Variants in MAP4K3 observed in about 807,000 individuals in gnomAD.
MAP4K3 encodes mitogen-activated protein kinase kinase kinase kinase 3.
MAP4K3 carries 94 observed loss-of-function variants against 143.5 expected under a neutral mutation model. The ratio of observed to expected loss-of-function variants is 0.65; its 90% CI spans 0.55 to 0.78. The LOEUF is 0.78. MAP4K3 is among the 30% of genes least tolerant of loss of function. MAP4K3 has a pLI of 0.00. For missense variants in MAP4K3, 1,077 were observed against 1,068.1 expected, an observed-to-expected ratio of 1.01 and a Z score of -0.12; for synonymous variants, 416 against 347.2, an observed-to-expected ratio of 1.20 and a Z score of -2.20.
chr2:39,405,438 C>A (rs942870011), intron 1 of MAP4K3, among the ~76,000 whole-genome samples: 5 of 152,094 alleles, frequency 3.3e-5, no homozygotes, highest in African/African-American at 1.2e-4. Context: ...GCAAGGCCTT[C>A]CCAAGAAAGA....
At chr2:39,422,430 C>T (rs1216599830) in intron 1 of MAP4K3, among the ~76,000 whole-genome samples, 1 of 152,122 alleles carries the variant, frequency 6.6e-6, no homozygotes, top group African/African-American at 2.4e-5. Flanking sequence ...CAGGAGAAAA[C>T]AGCCAACTAT....
At chr2:39,306,024 T>C (rs1234207952) in intron 15 of MAP4K3, among the ~76,000 whole-genome samples, 1 of 152,088 alleles carries the variant, frequency 6.6e-6, no homozygotes, top group Non-Finnish European at 1.5e-5. Context: ...GAGACAGGGT[T>C]TCACCATGTT....
At chr2:39,271,629 T>G (rs1392289726) in intron 26 of MAP4K3, among the ~76,000 whole-genome samples, 16 of 152,218 alleles carry the variant, frequency 1.1e-4, no homozygotes, top group Non-Finnish European at 2.9e-5. Context: ...TCTTGCCTTG[T>G]TAGCCAGGCT....
At chr2:39,365,117 TAC>T (rs1665884289) in intron 2 of MAP4K3, among the ~76,000 whole-genome samples, 1 of 152,132 alleles carries the variant, frequency 6.6e-6, no homozygotes, top group South Asian at 2.1e-4. Context: ...TGGGATAAAA[TAC>T]TTCTATTTCT....
chr2:39,319,326 C>T (rs1683223593), intron 12 of MAP4K3, among the ~76,000 whole-genome samples: 1 of 151,834 alleles, frequency 6.6e-6, no homozygotes, highest in East Asian at 1.9e-4. Context: ...AAACTAAAAC[C>T]TTATTGTTTC....
intron 19 of MAP4K3, among the ~76,000 whole-genome samples, chr2:39,289,086 T>C (rs977973176): frequency 6.6e-6 from 1 of 152,094 alleles, no homozygotes; most frequent in Non-Finnish European, 1.5e-5. Flanking sequence ...AAAAACGTTA[T>C]CATGTTGGAG....
chr2:39,288,239 C>T lies in MAP4K3; in HGVS notation c.1356G>A (p.Glu452=), dbSNP rs752570814. ...TCTTGATTGTTCCTTGATTTTCATC[C>T]TCAGTAGAATGCATTTCCTGTGGTA... is the stretch of plus-strand genomic sequence containing the variant. ...IFIPQEMHST[E]DENQGTIKRC... Residue 452 remains glutamate (E), a synonymous_variant, in exon 20 of 34, where the codon GAG becomes GAA. Coordinates refer to ENST00000263881, the MANE Select transcript of MAP4K3 (RefSeq NM_003618.4). 1.4e-5 allele frequency: 23 copies of T among 1,613,928 alleles called. No individual in the cohort carries two copies. The highest frequency in any genetic ancestry group is 1.9e-5 in the Non-Finnish European group (23 of 1,179,972).
intron 1 of MAP4K3, 117 bp from the exon 2 acceptor site, chr2:39,378,240 T>C (rs1666270466): frequency 1.7e-6 from 1 of 597,356 alleles, no homozygotes. Flanking sequence ...GAAATGCAAA[T>C]GTAATTTATA....
intron 12 of MAP4K3, among the ~76,000 whole-genome samples, chr2:39,323,014 G>A (rs1683365293): frequency 6.6e-6 from 1 of 152,102 alleles, no homozygotes; most frequent in African/African-American, 2.4e-5. Flanking sequence ...ATCACAGTAA[G>A]TGCTGAAATT....
At chr2:39,256,149 G>A (rs1680334157) in intron 31 of MAP4K3, among the ~76,000 whole-genome samples, 1 of 152,030 alleles carries the variant, frequency 6.6e-6, no homozygotes, top group African/African-American at 2.4e-5. Flanking sequence ...CTATTCTTTG[G>A]TGTTACTCAT....
chr2:39,376,567 T>C (rs755829990), intron 2 of MAP4K3, among the ~76,000 whole-genome samples: 2 of 152,220 alleles, frequency 1.3e-5, no homozygotes, highest in African/African-American at 2.4e-5. Context: ...GAGTACTATG[T>C]GCCAGGCCCT....
chr2:39,405,553 A>G (rs1667071294), intron 1 of MAP4K3, among the ~76,000 whole-genome samples: 1 of 152,188 alleles, frequency 6.6e-6, no homozygotes, highest in South Asian at 2.1e-4. Context: ...CCAAGGAAAC[A>G]TGACCTCATC....
intron 13 of MAP4K3, 55 bp from the exon 14 acceptor site, chr2:39,309,574 T>TTTTTG: frequency 9.1e-7 from 1 of 1,093,390 alleles, no homozygotes; most frequent in Non-Finnish European, 1.3e-6. Context: ...TTTTTTTTTT[T>TTTTTG]TGAGGCAGAG....
intron 1 of MAP4K3, among the ~76,000 whole-genome samples, chr2:39,392,319 A>G (rs992404493): frequency 2.6e-5 from 4 of 152,194 alleles, no homozygotes; most frequent in East Asian, 1.9e-4. Flanking sequence ...TGAAAAATGC[A>G]TATTTTTTAA....
chr2:39,268,228 T>C (rs1164160029), intron 26 of MAP4K3, among the ~76,000 whole-genome samples: 1 of 152,174 alleles, frequency 6.6e-6, no homozygotes, highest in Non-Finnish European at 1.5e-5. Context: ...TACACTCAAA[T>C]GTCTTTTAAA....
intron 3 of MAP4K3, among the ~76,000 whole-genome samples, chr2:39,349,605 T>C (rs569235991): frequency 4.0e-5 from 6 of 151,838 alleles, no homozygotes; most frequent in Non-Finnish European, 7.4e-5. Context: ...AATCCTGTAG[T>C]GAGAAGGCGG....
At chr2:39,382,830 A>C (rs541509199) in intron 1 of MAP4K3, among the ~76,000 whole-genome samples, 1 of 152,306 alleles carries the variant, frequency 6.6e-6, no homozygotes, top group African/African-American at 2.4e-5. Flanking sequence ...AGAAAATGTA[A>C]CCACCAACTT....
intron 5 of MAP4K3, 117 bp downstream of exon 5, chr2:39,337,409 T>A: frequency 1.5e-6 from 1 of 650,866 alleles, no homozygotes; most frequent in Non-Finnish European, 2.7e-6. Flanking sequence ...TTAAAACTCA[T>A]TTTAAGAGTT....
At chr2:39,427,628 C>A (rs1293661102) in intron 1 of MAP4K3, among the ~76,000 whole-genome samples, 1 of 152,126 alleles carries the variant, frequency 6.6e-6, no homozygotes. Context: ...AGACTAATTA[C>A]ACAAGTTGCA....
Sources: allele counts gnomAD v4.1 joint callset (sites outside exome capture counted in the v4.1 genomes callset), GRCh38; gene constraint gnomAD v4.1.1; transcripts MANE v1.5; gene names NCBI Gene and HGNC (gene_info 2026-07-23, HGNC 2026-07-21).